The following DLG2 variants were observed in gnomAD, a reference collection of about 807,000 sequenced individuals.
DLG2 encodes the protein discs large MAGUK scaffold protein 2.
Under a neutral mutation model 132.5 loss-of-function variants are expected in DLG2, and 45 were observed. The observed-to-expected ratio is 0.34, with a 90% CI of 0.27 to 0.44. The LOEUF (loss-of-function observed/expected upper bound fraction) is 0.44, where lower values mean the gene tolerates loss of function less well. Ranked by LOEUF, DLG2 falls within the 20% of genes least tolerant of loss-of-function variation. DLG2 has a pLI of 1.00. For synonymous variants in DLG2, 424 were observed against 419.6 expected (o/e 1.01, Z -0.13); for missense variants, 1,045 against 1,196.9 (o/e 0.87, Z 1.87).
chr11:85,254,852 T>A (rs778797281), intron 4 of DLG2, among the ~76,000 whole-genome samples: 26 of 151,766 alleles, frequency 1.7e-4, no homozygotes, highest in Non-Finnish European at 3.4e-4. Flanking sequence ...TACAAAAAAA[T>A]TAATTAGGCA....
intron 7 of DLG2, among the ~76,000 whole-genome samples, chr11:84,303,658 A>T (rs1043890965): frequency 2.0e-5 from 3 of 152,224 alleles, no homozygotes; most frequent in Non-Finnish European, 4.4e-5. Flanking sequence ...GACCCACTTG[A>T]ATATGGAATC....
chr11:84,917,742 T>C (rs1249565345), intron 6 of DLG2, among the ~76,000 whole-genome samples: 4 of 152,212 alleles, frequency 2.6e-5, no homozygotes, highest in Non-Finnish European at 4.4e-5. Flanking sequence ...TTTGAGTTAA[T>C]GGGCTTTGTT....
rs547235876 is a variant in DLG2, at chr11:85,233,696, A to ATTT, written c.186+51521_186+51523dup. Among the ~76,000 whole-genome samples, 235 of 131,348 alleles carry ATTT rather than the reference A, an allele frequency of 1.8e-3. 2 individuals are homozygous for ATTT. Among genetic ancestry groups the ATTT allele is most frequent in the African/African-American group, 6.2e-3 (221 of 35,884 alleles). The allele number at this position is 131,348 out of a possible 152,430, so 86.2% of individuals were successfully genotyped here. On this transcript the variant is annotated intron_variant, in intron 4 of 27. Transcript: ENST00000376104. ...CTCTCTATTCTACTCTGGATCCTTA[A>ATTT]TTTTTTTTTTTTTTTTTTTTACCTT...
rs182802011 is a variant in DLG2, at chr11:85,058,219, A to G, written c.357+53442T>C. Among the ~76,000 whole-genome samples the G allele has an allele frequency of 1.2e-3, 176 of 151,686 alleles. 2 individuals carry two copies. Among genetic ancestry groups the G allele is most frequent in the African/African-American group, 4.1e-3 (170 of 41,530 alleles). ...AGCAAGTTGTCTACATACAATGTCA[A>G]TATATAAAAATCAATTGCATTTCTT... On this transcript the variant is annotated intron_variant, in intron 6 of 27. Coordinates refer to ENST00000376104, the MANE Select transcript of DLG2 (RefSeq NM_001142699.3).
At chr11:84,817,348 A>G (rs2077186389) in intron 6 of DLG2, among the ~76,000 whole-genome samples, 1 of 151,954 alleles carries the variant, frequency 6.6e-6, no homozygotes, top group Admixed American at 6.6e-5. Context: ...CTGTCTGTAC[A>G]CCAAGGACCT....
intron 6 of DLG2, among the ~76,000 whole-genome samples, chr11:84,709,233 G>A (rs1262711623): frequency 1.3e-5 from 2 of 152,008 alleles, no homozygotes; most frequent in East Asian, 1.9e-4. Flanking sequence ...AATACTCAGC[G>A]AAGGAAGATT....
At position 84,730,612 on chromosome 11, in the gene DLG2, C is replaced by A. The variant is rs74881436; in HGVS notation, c.358-195881G>T. Among the ~76,000 whole-genome samples the A allele has an allele frequency of 2.4e-3, 359 of 152,106 alleles. 2 individuals are homozygous for A. The highest frequency in any genetic ancestry group is 8.3e-3 in the African/African-American group (344 of 41,532). ...GAGTTCAACTTTGAAAGCAGCAATT[C>A]ATGGGAAGACTGACAAGAACATGGC... On this transcript the variant is annotated intron_variant, in intron 6 of 27. Transcript: ENST00000376104.
chr11:84,607,484 C>T (rs2099587918), intron 6 of DLG2, among the ~76,000 whole-genome samples: 1 of 151,972 alleles, frequency 6.6e-6, no homozygotes, highest in Non-Finnish European at 1.5e-5. Context: ...GGAGAGCAGA[C>T]CAGTAAATGT....
At chr11:85,260,892 C>A (rs1232756851) in intron 4 of DLG2, among the ~76,000 whole-genome samples, 1 of 152,130 alleles carries the variant, frequency 6.6e-6, no homozygotes, top group Non-Finnish European at 1.5e-5. Context: ...AGACACAGTC[C>A]CACCCCACCT....
intron 16 of DLG2, among the ~76,000 whole-genome samples, chr11:83,853,349 C>T (rs964377162): frequency 2.2e-4 from 33 of 152,130 alleles, no homozygotes; most frequent in African/African-American, 7.7e-4. Flanking sequence ...GATTCTATTG[C>T]ACCAAATTCA....
intron 17 of DLG2, among the ~76,000 whole-genome samples, chr11:83,801,831 C>G (rs1379351270): frequency 2.0e-5 from 3 of 152,042 alleles, no homozygotes; most frequent in Admixed American, 1.3e-4. Context: ...ACTTTTAGTG[C>G]TGACTACACT....
rs181305278 is a variant in DLG2 at position 83,580,441 on chromosome 11, G to A, written c.1941-38583C>T. On this transcript the variant is annotated intron_variant, in intron 19 of 27. Coordinates refer to ENST00000376104, the MANE Select transcript of DLG2 (RefSeq NM_001142699.3). ...AGATAGATATGGGTTCTGCCCACGT[G>A]AAATTAGGGGCTAGTTCAATAAAGT... is the stretch of plus-strand genomic sequence containing the variant. Among the ~76,000 whole-genome samples the A allele has an allele frequency of 4.4e-3, 663 of 152,160 alleles. 2 individuals are homozygous for A. The highest frequency in any genetic ancestry group is 0.014 in the Middle Eastern group (4 of 294).
chr11:85,155,799 G>A (rs2152461493), intron 4 of DLG2, among the ~76,000 whole-genome samples: 1 of 151,848 alleles, frequency 6.6e-6, no homozygotes, highest in Admixed American at 6.6e-5. Context: ...GAACCAGGGA[G>A]GTGCAGGTTG....
At chr11:84,829,137 G>A (rs773093127) in intron 6 of DLG2, among the ~76,000 whole-genome samples, 3 of 151,582 alleles carry the variant, frequency 2.0e-5, no homozygotes, top group Non-Finnish European at 4.4e-5. Context: ...ATAATCTTAT[G>A]GTAGATTATT....
intron 7 of DLG2, among the ~76,000 whole-genome samples, chr11:84,461,031 A>T (rs12800357): frequency 0.074 from 11,102 of 150,850 alleles, 431 homozygotes; most frequent in Non-Finnish European, 0.085. Context: ...GCCCCTGAAA[A>T]TTTCTTCAGC....
At chr11:84,031,275 A>G (rs774858015) in intron 11 of DLG2, among the ~76,000 whole-genome samples, 1 of 152,174 alleles carries the variant, frequency 6.6e-6, no homozygotes, top group Non-Finnish European at 1.5e-5. Flanking sequence ...AATAGGTTGA[A>G]AAAAGAATTA....
chr11:83,702,966 A>G (rs2083224968), intron 18 of DLG2, among the ~76,000 whole-genome samples: 2 of 152,222 alleles, frequency 1.3e-5, no homozygotes, highest in Non-Finnish European at 2.9e-5. Flanking sequence ...AGCACTGTAA[A>G]TGACAATATA....
chr11:84,585,006 A>G (rs1383420165), intron 6 of DLG2, among the ~76,000 whole-genome samples: 1 of 152,052 alleles, frequency 6.6e-6, no homozygotes, highest in Non-Finnish European at 1.5e-5. Flanking sequence ...CCTTTAATGT[A>G]GTTGAGTTCA....
intron 21 of DLG2, among the ~76,000 whole-genome samples, chr11:83,497,530 G>A (rs1033258754): frequency 1.5e-5 from 2 of 136,706 alleles, no homozygotes; most frequent in Non-Finnish European, 3.3e-5. Context: ...GAGAGACTTC[G>A]TCTCAAAAAC....
Sources: gnomAD v4.1 joint callset for allele counts (sites outside exome capture counted in the v4.1 genomes callset) on GRCh38, gnomAD v4.1.1 for gene constraint, MANE v1.5 for transcripts, NCBI Gene and HGNC (gene_info 2026-07-23, HGNC 2026-07-21) for gene names.